The following TET2 variants were observed in gnomAD, a reference collection of about 807,000 sequenced individuals.
TET2 encodes tet methylcytosine dioxygenase 2.
A neutral mutation model predicts 142.9 loss-of-function variants in TET2; 299 were observed. The observed-to-expected ratio is 2.09, with a 90% CI of 1.90 to 2.30. The LOEUF (loss-of-function observed/expected upper bound fraction) is 2.30, where lower values mean the gene tolerates loss of function less well. TET2 is among the 30% of genes most tolerant of loss of function. The pLI, the probability that TET2 is intolerant of heterozygous loss-of-function variation, is 0.00. For synonymous variants in TET2, 819 were observed against 849.0 expected, an observed-to-expected ratio of 0.96 and a Z score of 0.61; for missense variants, 2,418 against 2,378.0, an observed-to-expected ratio of 1.02 and a Z score of -0.35.
intron 6 of TET2, among the ~76,000 whole-genome samples, chr4:105,247,805 T>C (rs1054166492): frequency 1.5e-5 from 2 of 130,060 alleles, no homozygotes; most frequent in African/African-American, 5.7e-5. Flanking sequence ...CACTGCAACC[T>C]CCACCTCCCA....
chr4:105,204,178 A>G (rs905381283), intron 2 of TET2, among the ~76,000 whole-genome samples: 1 of 150,824 alleles, frequency 6.6e-6, no homozygotes, highest in African/African-American at 2.4e-5. Context: ...AGCCTGGGCG[A>G]CGGAGTGAGA....
chr4:105,241,940 T>A, intron 4 of TET2: 1 of 493,618 alleles, frequency 2.0e-6, no homozygotes, highest in Non-Finnish European at 2.3e-6. Context: ...ACAGCTGCCT[T>A]TTTTTTTTTT....
rs1387826349 is a variant in TET2 at position 105,277,124 on chromosome 4, GAA to G, written c.*608_*609del. On this transcript the variant is annotated 3_prime_UTR_variant, in exon 11 of 11. Transcript: ENST00000380013. ...TGGATGTTCTAAGAAATGGTGCTAAGAAAATGGTGTCTTTAATAGCTAAAAAT... is the reference window on the plus strand; with the variant it reads ...TGGATGTTCTAAGAAATGGTGCTAAGAATGGTGTCTTTAATAGCTAAAAAT... 4.3e-6 allele frequency: 1 copy of G among 231,786 alleles called. No homozygotes were observed. The highest frequency in any genetic ancestry group is 2.2e-5 in the African/African-American group (1 of 45,262). The allele number at this position is 231,786 out of a possible 1,614,324, so 14.4% of individuals were successfully genotyped here.
chr4:105,234,606 C>G lies in TET2; in HGVS notation c.664C>G (p.His222Asp). 6.2e-7 allele frequency: 1 copy of G among 1,614,068 alleles called. No individual in the cohort carries two copies. Among genetic ancestry groups the G allele is most frequent in the African/African-American group, 1.3e-5 (1 of 75,062 alleles). ...TVSASSVEHT[H>D]GELLEKTLSQ... is the part of the protein sequence containing the mutation. ...TTCTGCCTCTTCCGTGGAACACACA[C>G]ATGGTGAACTCCTGGAAAAAACACT... The change falls in exon 3 of 11, where the codon CAT becomes GAT. Residue 222 changes from histidine to aspartate, a missense_variant. By Grantham distance (81) the His-to-Asp change is moderately conservative (BLOSUM62 -1). Coordinates refer to ENST00000380013, the MANE Select transcript of TET2 (RefSeq NM_001127208.3).
chr4:105,180,037 G>T (rs956003072), intron 1 of TET2, among the ~76,000 whole-genome samples: 1 of 152,090 alleles, frequency 6.6e-6, no homozygotes, highest in Admixed American at 6.5e-5. Context: ...TTTCTTGGAG[G>T]TTACAGTAGT....
At chr4:105,172,975 A>G (rs1724561794) in intron 1 of TET2, among the ~76,000 whole-genome samples, 1 of 152,140 alleles carries the variant, frequency 6.6e-6, no homozygotes, top group African/African-American at 2.4e-5. Context: ...CAATGATACT[A>G]TTTTTCAGAG....
intron 2 of TET2, among the ~76,000 whole-genome samples, chr4:105,214,955 A>G (rs1727406688): frequency 6.6e-6 from 1 of 152,190 alleles, no homozygotes; most frequent in Non-Finnish European, 1.5e-5. Context: ...CTGGTTGGTC[A>G]GAAGTTCTGG....
intron 8 of TET2, among the ~76,000 whole-genome samples, chr4:105,267,629 CAA>C (rs1167877992): frequency 1.4e-5 from 2 of 143,108 alleles, no homozygotes; most frequent in Non-Finnish European, 3.1e-5. Context: ...TATATAGGAC[CAA>C]AAAAAGATAA....
chr4:105,203,710 C>CGGTA (rs1168968084), intron 2 of TET2, among the ~76,000 whole-genome samples: 1 of 152,066 alleles, frequency 6.6e-6, no homozygotes. Flanking sequence ...TGCTGCCATA[C>CGGTA]GGTAGGTAAT....
chr4:105,228,882 A>G (rs550508824), intron 2 of TET2, among the ~76,000 whole-genome samples: 4 of 152,272 alleles, frequency 2.6e-5, no homozygotes, highest in East Asian at 3.9e-4. Context: ...TTTAAAACCT[A>G]AAGTTTCTTT....
chr4:105,251,018 T>TA (rs1177813716), intron 6 of TET2, among the ~76,000 whole-genome samples: 2 of 152,202 alleles, frequency 1.3e-5, no homozygotes, highest in Admixed American at 6.5e-5. Flanking sequence ...GTATTTTTTT[T>TA]ATCCTATTGC....
At chr4:105,230,252 C>T (rs2110621489) in intron 2 of TET2, among the ~76,000 whole-genome samples, 1 of 152,266 alleles carries the variant, frequency 6.6e-6, no homozygotes, top group East Asian at 1.9e-4. Context: ...CCATGTTGGC[C>T]AGGTTGGTCT....
chr4:105,272,999 T>C, intron 10 of TET2, 81 bp downstream of exon 10: 2 of 1,155,174 alleles, frequency 1.7e-6, no homozygotes, highest in African/African-American at 1.6e-5. Flanking sequence ...TTTGCCCCCA[T>C]CAACTTGTAA....
intron 6 of TET2, among the ~76,000 whole-genome samples, chr4:105,244,857 G>A (rs1355735974): frequency 6.6e-6 from 1 of 152,164 alleles, no homozygotes; most frequent in African/African-American, 2.4e-5. Flanking sequence ...GCCTCCCAAA[G>A]TGCCTTACAG....
At chr4:105,250,323 C>G (rs929504766) in intron 6 of TET2, among the ~76,000 whole-genome samples, 2 of 148,706 alleles carry the variant, frequency 1.3e-5, no homozygotes, top group African/African-American at 4.9e-5. Context: ...TTTTGCCTAC[C>G]ATGTTTCTTG....
intron 2 of TET2, among the ~76,000 whole-genome samples, chr4:105,224,423 G>A: frequency 6.6e-6 from 1 of 152,156 alleles, no homozygotes. Context: ...GGATTAGACT[G>A]CAGAGTCAGT....
At chr4:105,200,620 G>C (rs1293734354) in intron 2 of TET2, among the ~76,000 whole-genome samples, 1 of 150,322 alleles carries the variant, frequency 6.7e-6, no homozygotes, top group Non-Finnish European at 1.5e-5. Context: ...TAACTCCCAG[G>C]TCACACTGTT....
At chr4:105,273,619 C>T (rs924738269) in intron 10 of TET2, among the ~76,000 whole-genome samples, 3 of 152,010 alleles carry the variant, frequency 2.0e-5, no homozygotes, top group Non-Finnish European at 4.4e-5. Context: ...TAAAGATGAC[C>T]CCAAAGTTTT....
At chr4:105,259,588 T>G in intron 6 of TET2, 31 bp from the exon 7 acceptor site, 1 of 1,548,716 alleles carries the variant, frequency 6.5e-7, no homozygotes, top group Non-Finnish European at 8.7e-7. Flanking sequence ...ATGCTATCCA[T>G]AGCAATGAAT....
Sources: allele counts gnomAD v4.1 joint callset (sites outside exome capture counted in the v4.1 genomes callset), GRCh38; gene constraint gnomAD v4.1.1; transcripts MANE v1.5; gene names NCBI Gene and HGNC (gene_info 2026-07-23, HGNC 2026-07-21).